Variants in CDKL4 observed in about 807,000 individuals in gnomAD.
CDKL4 encodes the protein cyclin-dependent kinase-like 4.
Under a neutral mutation model 42.0 loss-of-function variants are expected in CDKL4, and 44 were observed. That is an observed-to-expected ratio of 1.05 (90% CI 0.82 to 1.35). CDKL4 has a LOEUF of 1.35. Ranked by LOEUF, CDKL4 falls within the 40% of genes most tolerant of loss-of-function variation. CDKL4 has a pLI of 0.00. For missense variants in CDKL4, 393 were observed against 369.9 expected (o/e 1.06, Z -0.51); for synonymous variants, 120 against 121.6 (o/e 0.99, Z 0.09).
At chr2:39,242,455 G>C (rs1163579438) in intron 1 of CDKL4, among the ~76,000 whole-genome samples, 1 of 152,188 alleles carries the variant, frequency 6.6e-6, no homozygotes, top group Non-Finnish European at 1.5e-5. Context: ...TCAAGTTAAA[G>C]TTCTGTGTAC....
chr2:39,213,348 G>A (rs1035028367), intron 4 of CDKL4, 52 bp downstream of exon 4: 1 of 1,183,370 alleles, frequency 8.5e-7, no homozygotes, highest in East Asian at 2.4e-5. Context: ...CTATTTAGAA[G>A]AAAAGAGTCA....
chr2:39,208,985 C>A (rs1464078997), intron 4 of CDKL4, among the ~76,000 whole-genome samples: 1 of 151,914 alleles, frequency 6.6e-6, no homozygotes, highest in African/African-American at 2.4e-5. Context: ...AGGTTGCAGC[C>A]TGACCCACTC....
chr2:39,222,315 T>C (rs11677985), intron 3 of CDKL4, among the ~76,000 whole-genome samples: 112,973 of 152,050 alleles, frequency 0.74, 45,992 homozygotes, highest in Non-Finnish European at 0.92. Flanking sequence ...ATAGGCCAGG[T>C]GTGGGGACTC....
At chr2:39,181,040 A>T (rs1037938580) in intron 8 of CDKL4, among the ~76,000 whole-genome samples, 1 of 152,164 alleles carries the variant, frequency 6.6e-6, no homozygotes, top group Non-Finnish European at 1.5e-5. Flanking sequence ...TTATCACTCT[A>T]TTCTGGCTTT....
Position 39,229,601 on chromosome 2 carries a change from G to GCAAGTCTACCTTATTT in CDKL4, c.-56-14_-56-13insAAATAAGGTAGACTTG. ...TACAATGCTGCACCTGGAAAATAAG[G>GCAAGTCTACCTTATTT]TAGACTTGCCTTAATCAAGCTATAA... On this transcript the variant is annotated splice_polypyrimidine_tract_variant and intron_variant, in intron 1 of 9. Coordinates refer to ENST00000451199, the Ensembl canonical transcript of CDKL4. The GCAAGTCTACCTTATTT allele has an allele frequency of 1.6e-6, 2 of 1,272,226 alleles. No homozygotes were observed. Among genetic ancestry groups the GCAAGTCTACCTTATTT allele is most frequent in the Non-Finnish European group, 2.2e-6 (2 of 916,306 alleles). 78.8% of individuals were successfully genotyped at this position (1,272,226 alleles called of 1,614,324 possible).
At chr2:39,180,360 G>A (rs962977392) in intron 8 of CDKL4, among the ~76,000 whole-genome samples, 7 of 152,204 alleles carry the variant, frequency 4.6e-5, no homozygotes, top group Non-Finnish European at 1.0e-4. Context: ...AGACAATTGC[G>A]TTGCCTGAGG....
chr2:39,214,679 AG>A (rs1031650641), intron 3 of CDKL4, among the ~76,000 whole-genome samples: 35 of 152,324 alleles, frequency 2.3e-4, no homozygotes, highest in African/African-American at 6.7e-4. Context: ...GCAGGAAAAA[AG>A]GTATACTTGG....
chr2:39,170,604 C>A, the CDKL4 span, among the ~76,000 whole-genome samples: 1 of 151,762 alleles, frequency 6.6e-6, no homozygotes, highest in Admixed American at 6.6e-5. Flanking sequence ...TTACAGGCGC[C>A]CGCCACCATG....
intron 1 of CDKL4, among the ~76,000 whole-genome samples, chr2:39,240,673 A>G (rs977653242): frequency 3.3e-5 from 5 of 150,102 alleles, no homozygotes; most frequent in African/African-American, 1.2e-4. Flanking sequence ...ATGTAGATGA[A>G]CATTAAAAAA....
chr2:39,241,091 A>C (rs1481743862), intron 1 of CDKL4, among the ~76,000 whole-genome samples: 1 of 152,196 alleles, frequency 6.6e-6, no homozygotes, highest in Admixed American at 6.5e-5. Context: ...TAATTGGCAA[A>C]ATCTAAATTT....
intron 7 of CDKL4, among the ~76,000 whole-genome samples, chr2:39,185,387 C>CAT (rs779055302): frequency 0.042 from 131 of 3,138 alleles, 18 homozygotes; most frequent in Admixed American, 0.15. Flanking sequence ...TGTATATATA[C>CAT]ATGTATATAT....
downstream of CDKL4, among the ~76,000 whole-genome samples, chr2:39,172,771 G>C (rs1272640608): frequency 6.6e-6 from 1 of 151,974 alleles, no homozygotes; most frequent in Non-Finnish European, 1.5e-5. Flanking sequence ...GAGTAGAGAT[G>C]GGGTTTTACC....
intron 5 of CDKL4, among the ~76,000 whole-genome samples, chr2:39,196,615 C>CT (rs199571786): frequency 2.9e-4 from 44 of 149,426 alleles, no homozygotes; most frequent in South Asian, 1.5e-3. Flanking sequence ...AAATAAGGTT[C>CT]TTTTTTTTTT....
At chr2:39,193,243 G>A (rs1676299014) in intron 5 of CDKL4, among the ~76,000 whole-genome samples, 1 of 149,750 alleles carries the variant, frequency 6.7e-6, no homozygotes, top group African/African-American at 2.5e-5. Context: ...AGACCAGCCT[G>A]GGCAGAATGG....
Position 39,220,976 on chromosome 2 carries a change from C to CTTTTTTTTTTTTTTTTTTTTTTT in CDKL4, c.290+4840_290+4862dup. Among the ~76,000 whole-genome samples, 95 of 49,130 alleles carry CTTTTTTTTTTTTTTTTTTTTTTT rather than the reference C, an allele frequency of 1.9e-3. 3 individuals carry two copies. Among genetic ancestry groups the CTTTTTTTTTTTTTTTTTTTTTTT allele is most frequent in the Admixed American group, 3.0e-3 (9 of 2,966 alleles). 32.2% of individuals were successfully genotyped at this position (49,130 alleles called of 152,430 possible). On this transcript the variant is annotated intron_variant, in intron 3 of 9. Coordinates refer to ENST00000451199, the Ensembl canonical transcript of CDKL4. ...AATCCGCATTCACTACATCGACGAT[C>CTTTTTTTTTTTTTTTTTTTTTTT]TTTTTTTTTTTTTTTTTTTTTTTTG...
intron 8 of CDKL4, among the ~76,000 whole-genome samples, chr2:39,181,991 AT>A (rs1206834296): frequency 6.6e-6 from 1 of 150,874 alleles, no homozygotes; most frequent in Non-Finnish European, 1.5e-5. Context: ...ATTTTATTTT[AT>A]TTTTTTTTAG....
At chr2:39,170,352 G>A in the CDKL4 span, among the ~76,000 whole-genome samples, 1 of 151,014 alleles carries the variant, frequency 6.6e-6, no homozygotes, top group African/African-American at 2.4e-5. Context: ...AAACACATAT[G>A]CAGAACATTA....
At chr2:39,208,042 C>T (rs1677314863) in intron 4 of CDKL4, among the ~76,000 whole-genome samples, 2 of 152,008 alleles carry the variant, frequency 1.3e-5, no homozygotes, top group African/African-American at 4.8e-5. Context: ...GCAGAGGTTG[C>T]AGTGAGCTGT....
At chr2:39,183,596 T>C (rs1348039863) in intron 8 of CDKL4, among the ~76,000 whole-genome samples, 5 of 152,132 alleles carry the variant, frequency 3.3e-5, no homozygotes, top group African/African-American at 1.2e-4. Flanking sequence ...TGAGAATTCG[T>C]TGGGCTTGCA....
Sources: allele counts gnomAD v4.1 joint callset (sites outside exome capture counted in the v4.1 genomes callset), GRCh38; gene constraint gnomAD v4.1.1; transcripts MANE v1.5; gene names NCBI Gene and HGNC (gene_info 2026-07-23, HGNC 2026-07-21).